Variants in TINAG observed in about 807,000 individuals in gnomAD.
The protein encoded by TINAG is tubulointerstitial nephritis antigen.
Under a neutral mutation model 72.7 loss-of-function variants are expected in TINAG, and 83 were observed. The observed-to-expected ratio is 1.14, with a 90% CI of 0.96 to 1.37. The LOEUF is 1.37. TINAG is among the 40% of genes most tolerant of loss of function. TINAG has a pLI of 0.00. For missense variants in TINAG, 685 were observed against 576.6 expected, an observed-to-expected ratio of 1.19 and a Z score of -1.93; for synonymous variants, 234 against 189.9, an observed-to-expected ratio of 1.23 and a Z score of -1.91.
rs1269033903 is a variant in TINAG, at chr6:54,354,708, T to C, written c.1250+72T>C. On this transcript the variant is annotated intron_variant, in intron 9 of 10. Coordinates refer to ENST00000259782, the MANE Select transcript of TINAG (RefSeq NM_014464.4). ...CTGAAAATAAGAATATGCAGTGTTT[T>C]AAATGCTAGAATCCCCTTTGTAGGA... 4 of 1,460,574 alleles carry C rather than the reference T, an allele frequency of 2.7e-6. No homozygotes were observed. In the African/African-American group the frequency reaches 5.8e-5, roughly 21 times the overall value. 90.5% of individuals were successfully genotyped at this position (1,460,574 alleles called of 1,614,324 possible). A position where few individuals can be genotyped will look rare whatever the true frequency, so the allele number is the denominator to read the frequency against.
Position 54,354,585 on chromosome 6 carries a change from AAGAATC to A in TINAG, c.1204_1209del (p.Ser402_Glu403del). ...TACAGACATGTTACCAGCACAAATAAAGAATCAGAAAAATATCGAAAGCTTCAGACA... is the reference window on the plus strand; with the variant it reads ...TACAGACATGTTACCAGCACAAATAAAGAAAAATATCGAAAGCTTCAGACA... On this transcript the variant is annotated inframe_deletion, in exon 9 of 11. Coordinates refer to ENST00000259782, the MANE Select transcript of TINAG (RefSeq NM_014464.4). 6.2e-7 allele frequency: 1 copy of A among 1,611,180 alleles called. No homozygotes were observed. Among genetic ancestry groups the A allele is most frequent in the Middle Eastern group, 1.7e-4 (1 of 6,034 alleles).
Position 54,349,904 on chromosome 6 carries a change from T to C in TINAG, c.1080+8T>C. 6.5e-7 allele frequency: 1 copy of C among 1,526,800 alleles called. No individual in the cohort carries two copies. Among genetic ancestry groups the C allele is most frequent in the Non-Finnish European group, 8.9e-7 (1 of 1,127,982 alleles). 94.6% of individuals were successfully genotyped at this position (1,526,800 alleles called of 1,614,324 possible). A position where few individuals can be genotyped will look rare whatever the true frequency, so the allele number is the denominator to read the frequency against. ...TACAGAGTCTCTTCCAACGTAAGTATAAATGGCAAGAATCAAGAATAGTTG... is the reference window on the plus strand; with the variant it reads ...TACAGAGTCTCTTCCAACGTAAGTACAAATGGCAAGAATCAAGAATAGTTG... On this transcript the variant is annotated splice_region_variant and intron_variant, in intron 7 of 10. Coordinates refer to ENST00000259782, the MANE Select transcript of TINAG (RefSeq NM_014464.4).
At chr6:54,383,021 A>T (rs1477394125) in intron 10 of TINAG, among the ~76,000 whole-genome samples, 1 of 152,148 alleles carries the variant, frequency 6.6e-6, no homozygotes, top group Non-Finnish European at 1.5e-5. Flanking sequence ...ATACCAAAGG[A>T]TATAATGTCC....
intron 9 of TINAG, among the ~76,000 whole-genome samples, chr6:54,360,481 G>T (rs1458502410): frequency 6.6e-6 from 1 of 151,574 alleles, no homozygotes; most frequent in Non-Finnish European, 1.5e-5. Context: ...TGGTATTTCA[G>T]ATTTTTATCC....
chr6:54,336,387 G>A (rs1174014145), intron 4 of TINAG, among the ~76,000 whole-genome samples: 1 of 152,052 alleles, frequency 6.6e-6, no homozygotes, highest in Non-Finnish European at 1.5e-5. Flanking sequence ...CTTTTATAAA[G>A]AAAGGTGTAG....
At chr6:54,386,187 G>A (rs540354393) in intron 10 of TINAG, among the ~76,000 whole-genome samples, 43 of 152,156 alleles carry the variant, frequency 2.8e-4, no homozygotes, top group African/African-American at 1.0e-3. Context: ...CAGTGAACCC[G>A]GCTTGAATAT....
intron 1 of TINAG, among the ~76,000 whole-genome samples, chr6:54,318,967 A>G (rs1053810747): frequency 6.6e-6 from 1 of 152,102 alleles, no homozygotes; most frequent in East Asian, 1.9e-4. Flanking sequence ...AGTTTTTGTT[A>G]ACATTAAATT....
intron 10 of TINAG, among the ~76,000 whole-genome samples, chr6:54,388,421 C>T (rs1480396406): frequency 6.6e-6 from 1 of 152,108 alleles, no homozygotes; most frequent in Admixed American, 6.6e-5. Flanking sequence ...AAAAGAAATG[C>T]TGATAAAAAT....
Position 54,353,755 on chromosome 6 carries a change from T to C in TINAG, c.1127-758T>C, listed in dbSNP as rs111814908. ...TACTTCCTATTTTATTTAAAATGCTTGTCAAATTAAGACAAGTATTGTACA... is the reference window on the plus strand; with the variant it reads ...TACTTCCTATTTTATTTAAAATGCTCGTCAAATTAAGACAAGTATTGTACA... On this transcript the variant is annotated intron_variant, in intron 8 of 10. Coordinates refer to ENST00000259782, the MANE Select transcript of TINAG (RefSeq NM_014464.4). Among the ~76,000 whole-genome samples, 281 of 151,900 alleles carry C rather than the reference T, an allele frequency of 1.8e-3. 1 individual carries two copies. Among genetic ancestry groups the C allele is most frequent in the African/African-American group, 6.3e-3 (263 of 41,518 alleles).
intron 8 of TINAG, 117 bp from the exon 9 acceptor site, chr6:54,354,396 C>G: frequency 1.1e-6 from 1 of 890,910 alleles, no homozygotes; most frequent in Admixed American, 2.9e-5. Flanking sequence ...TCACACAGCC[C>G]CTTCTTAGAT....
At chr6:54,320,707 A>G (rs1784471553) in intron 2 of TINAG, 65 bp downstream of exon 2, 1 of 1,351,704 alleles carries the variant, frequency 7.4e-7, no homozygotes, top group African/African-American at 1.5e-5. Flanking sequence ...CAAATAAAAG[A>G]AATATTTGTG....
At chr6:54,389,660 G>A in intron 10 of TINAG, 131 bp from the exon 11 acceptor site, 2 of 1,115,272 alleles carry the variant, frequency 1.8e-6, no homozygotes, top group Non-Finnish European at 2.5e-6. Flanking sequence ...TTTAAAAATA[G>A]GTAAGTTCTT....
At chr6:54,381,162 G>T (rs1411566736) in intron 10 of TINAG, among the ~76,000 whole-genome samples, 1 of 147,096 alleles carries the variant, frequency 6.8e-6, no homozygotes, top group East Asian at 2.2e-4. Context: ...ATATCCTATA[G>T]GTTAAGGCTT....
chr6:54,308,212 T>C (rs960958357), upstream of TINAG: 97 of 1,260,572 alleles, frequency 7.7e-5, no homozygotes, highest in Admixed American at 2.0e-3. Context: ...TTTAAGAACC[T>C]AGATTTTTTG....
At chr6:54,351,420 T>A (rs532219791) in intron 8 of TINAG, 23 bp downstream of exon 8, 85 of 1,604,662 alleles carry the variant, frequency 5.3e-5, no homozygotes, top group Non-Finnish European at 7.1e-5. Flanking sequence ...GAAATACGGT[T>A]TTTTCTTACT....
chr6:54,347,352 T>G lies in TINAG; in HGVS notation c.749-15T>G, dbSNP rs774059265. The G allele has an allele frequency of 1.9e-6, 3 of 1,611,076 alleles. No homozygotes were observed. The highest frequency in any genetic ancestry group is 8.5e-7 in the Non-Finnish European group (1 of 1,178,468). On this transcript the variant is annotated splice_polypyrimidine_tract_variant and intron_variant, in intron 5 of 10. Coordinates refer to ENST00000259782, the MANE Select transcript of TINAG (RefSeq NM_014464.4). ...TGTATCATTTCAATATTAATTGATA[T>G]TCTATTTGAAACAGGTGTGGCTGCT... is the stretch of plus-strand genomic sequence containing the variant.
chr6:54,348,966 C>T (rs1396326835), intron 6 of TINAG, among the ~76,000 whole-genome samples: 2 of 152,008 alleles, frequency 1.3e-5, no homozygotes, highest in South Asian at 2.1e-4. Flanking sequence ...ATCTACAATA[C>T]CATTACCATG....
intron 9 of TINAG, among the ~76,000 whole-genome samples, chr6:54,368,311 AATT>A (rs937107137): frequency 6.8e-6 from 1 of 147,778 alleles, no homozygotes; most frequent in Admixed American, 6.8e-5. Context: ...ATATTAAAGT[AATT>A]ATTAAGTAAT....
At chr6:54,360,787 A>G (rs1302262456) in intron 9 of TINAG, among the ~76,000 whole-genome samples, 7 of 135,156 alleles carry the variant, frequency 5.2e-5, no homozygotes, top group African/African-American at 1.3e-4. Flanking sequence ...CTGAAGATAT[A>G]TAGTCCTACC....
Sources: allele counts gnomAD v4.1 joint callset (sites outside exome capture counted in the v4.1 genomes callset), GRCh38; gene constraint gnomAD v4.1.1; transcripts MANE v1.5; gene names NCBI Gene and HGNC (gene_info 2026-07-23, HGNC 2026-07-21).